PTBP2: variants seen among roughly 807,000 people sequenced by gnomAD.
PTBP2 encodes polypyrimidine tract-binding protein 2.
PTBP2 carries 13 observed loss-of-function variants against 61.4 expected under a neutral mutation model. That is an observed-to-expected ratio of 0.21 (90% CI 0.14 to 0.34). The LOEUF (loss-of-function observed/expected upper bound fraction) is 0.34. PTBP2 is among the 10% of genes least tolerant of loss of function. The pLI is 1.00. For synonymous variants in PTBP2, 215 were observed against 218.5 expected (o/e 0.98, Z 0.14); for missense variants, 405 against 642.6 (o/e 0.63, Z 4.00).
intron 2 of PTBP2, among the ~76,000 whole-genome samples, chr1:96,743,186 C>G (rs531182): frequency 0.29 from 44,201 of 151,432 alleles, 7,177 homozygotes; most frequent in East Asian, 0.44. Flanking sequence ...ACTCGGGAGG[C>G]TGAGGCAGGA....
At chr1:96,758,054 A>G (rs1326951552) in intron 3 of PTBP2, among the ~76,000 whole-genome samples, 1 of 152,098 alleles carries the variant, frequency 6.6e-6, no homozygotes, top group African/African-American at 2.4e-5. Flanking sequence ...GGATATATGC[A>G]GAGTATAATA....
chr1:96,808,581 A>G (rs1486256670), intron 11 of PTBP2, among the ~76,000 whole-genome samples: 2 of 152,146 alleles, frequency 1.3e-5, no homozygotes, highest in East Asian at 3.9e-4. Context: ...TTTGGGGAGG[A>G]CACAATTCAG....
intron 3 of PTBP2, among the ~76,000 whole-genome samples, chr1:96,760,204 G>A (rs1212758003): frequency 6.6e-6 from 1 of 151,818 alleles, no homozygotes; most frequent in Non-Finnish European, 1.5e-5. Context: ...CAATAAATAT[G>A]AGCAGCCCAA....
At chr1:96,749,000 C>A (rs1027764067) in intron 2 of PTBP2, among the ~76,000 whole-genome samples, 6 of 151,892 alleles carry the variant, frequency 4.0e-5, no homozygotes, top group Non-Finnish European at 8.8e-5. Flanking sequence ...CTCAAAATTG[C>A]AAATAATTTG....
At chr1:96,802,695 T>C (rs897110412) in intron 8 of PTBP2, among the ~76,000 whole-genome samples, 2 of 152,094 alleles carry the variant, frequency 1.3e-5, no homozygotes, top group Non-Finnish European at 1.5e-5. Context: ...CATATTGAAG[T>C]TGGTGGTTTT....
intron 2 of PTBP2, among the ~76,000 whole-genome samples, chr1:96,750,530 A>G (rs533898347): frequency 3.7e-4 from 57 of 152,218 alleles, no homozygotes; most frequent in African/African-American, 1.1e-3. Context: ...TTAAATACAA[A>G]TTAGCGTAAA....
intron 8 of PTBP2, among the ~76,000 whole-genome samples, chr1:96,801,929 A>G (rs1019825601): frequency 6.7e-6 from 1 of 148,520 alleles, no homozygotes; most frequent in Non-Finnish European, 1.5e-5. Context: ...AACCCACATT[A>G]GGCCGGGCGC....
intron 2 of PTBP2, among the ~76,000 whole-genome samples, chr1:96,750,571 T>C (rs12568725): frequency 0.29 from 44,304 of 151,834 alleles, 7,187 homozygotes; most frequent in East Asian, 0.44. Context: ...TTTTGGACTT[T>C]CTGAAATGCT....
intron 8 of PTBP2, among the ~76,000 whole-genome samples, chr1:96,803,884 G>A (rs961160490): frequency 2.0e-5 from 3 of 152,056 alleles, no homozygotes; most frequent in Admixed American, 6.5e-5. Context: ...CATATAATTC[G>A]TTTCTTGAGT....
At chr1:96,799,424 T>G (rs1193015828) in intron 8 of PTBP2, among the ~76,000 whole-genome samples, 1 of 151,182 alleles carries the variant, frequency 6.6e-6, no homozygotes, top group African/African-American at 2.4e-5. Context: ...GCCTCCCGAG[T>G]AGCTGCTACT....
intron 2 of PTBP2, among the ~76,000 whole-genome samples, chr1:96,743,747 A>G (rs1367728129): frequency 6.6e-6 from 1 of 152,206 alleles, no homozygotes; most frequent in African/African-American, 2.4e-5. Context: ...TCGCAACAGC[A>G]AAGAGTTTAA....
At position 96,784,133 on chromosome 1, in the gene PTBP2, G is replaced by C. The variant is rs1570936112; in HGVS notation, c.709-926G>C. Among the ~76,000 whole-genome samples the C allele has an allele frequency of 3.9e-5, 6 of 152,230 alleles. No individual in the cohort carries two copies. In the Middle Eastern group the frequency reaches 0.014, roughly 345 times the overall value. On this transcript the variant is annotated intron_variant, in intron 7 of 13. Coordinates refer to ENST00000674951, the MANE Select transcript of PTBP2 (RefSeq NM_021190.4). ...TTATTCTTCTAATGAAAAGTTAACA[G>C]TATGTTCACCTGTTCTCTAGTTTGT...
At chr1:96,770,628 A>G (rs1657271083) in intron 4 of PTBP2, 80 bp from the exon 5 acceptor site, 1 of 1,194,406 alleles carries the variant, frequency 8.4e-7, no homozygotes, top group Non-Finnish European at 1.2e-6. Context: ...ATAATTGATT[A>G]AAATCATCTG....
At chr1:96,807,662 A>AT (rs1310908329) in intron 11 of PTBP2, among the ~76,000 whole-genome samples, 2 of 152,178 alleles carry the variant, frequency 1.3e-5, no homozygotes, top group Non-Finnish European at 2.9e-5. Flanking sequence ...TAAATTTGCC[A>AT]TTTTTGATGT....
At chr1:96,737,146 A>C (rs1652326355) in intron 2 of PTBP2, among the ~76,000 whole-genome samples, 1 of 151,592 alleles carries the variant, frequency 6.6e-6, no homozygotes, top group African/African-American at 2.4e-5. Flanking sequence ...CACCCGGCTA[A>C]TTTTTTGTAT....
chr1:96,753,231 C>T (rs894387010), intron 3 of PTBP2, among the ~76,000 whole-genome samples: 11 of 152,044 alleles, frequency 7.2e-5, no homozygotes, highest in African/African-American at 1.9e-4. Flanking sequence ...ATAGGTTGCA[C>T]GGTACTCTGA....
At chr1:96,802,210 C>CG (rs139945691) in intron 8 of PTBP2, among the ~76,000 whole-genome samples, 6,400 of 46,290 alleles carry the variant, frequency 0.14, 592 homozygotes, top group African/African-American at 0.33. Context: ...GACTCCGTCT[C>CG]GAAAAAAAAA....
intron 2 of PTBP2, among the ~76,000 whole-genome samples, chr1:96,746,776 T>C (rs1347982225): frequency 4.6e-5 from 7 of 151,856 alleles, no homozygotes; most frequent in African/African-American, 1.7e-4. Context: ...CTGGTGTCTT[T>C]TCCCAGTTTG....
At chr1:96,774,713 C>T (rs1657822191) in intron 5 of PTBP2, among the ~76,000 whole-genome samples, 1 of 152,064 alleles carries the variant, frequency 6.6e-6, no homozygotes, top group Non-Finnish European at 1.5e-5. Context: ...TTTCTTTTCC[C>T]TTCTGGAATT....
Sources: allele counts gnomAD v4.1 joint callset (sites outside exome capture counted in the v4.1 genomes callset), GRCh38; gene constraint gnomAD v4.1.1; transcripts MANE v1.5; gene names NCBI Gene and HGNC (gene_info 2026-07-23, HGNC 2026-07-21).